STARD13: variants seen among roughly 807,000 people sequenced by gnomAD.
STARD13 encodes the protein StAR related lipid transfer domain containing 13.
A neutral mutation model predicts 106.4 loss-of-function variants in STARD13; 62 were observed. The ratio of observed to expected loss-of-function variants is 0.58; its 90% CI spans 0.48 to 0.72. The LOEUF is 0.72. Ranked by LOEUF, STARD13 falls within the 30% of genes least tolerant of loss-of-function variation. STARD13 has a pLI of 0.00. For missense variants in STARD13, 1,387 were observed against 1,424.0 expected, an observed-to-expected ratio of 0.97 and a Z score of 0.42; for synonymous variants, 565 against 553.0, an observed-to-expected ratio of 1.02 and a Z score of -0.31.
the STARD13 span, among the ~76,000 whole-genome samples, chr13:33,453,392 T>G: frequency 6.6e-6 from 1 of 152,226 alleles, no homozygotes; most frequent in African/African-American, 2.4e-5. Context: ...TATTCCTTTC[T>G]CTGGCACCAG....
At chr13:33,494,527 C>A in the STARD13 span, among the ~76,000 whole-genome samples, 2 of 152,074 alleles carry the variant, frequency 1.3e-5, no homozygotes, top group Non-Finnish European at 2.9e-5. Context: ...TTAAGGCTCT[C>A]CTGCTCTACC....
chr13:33,520,810 C>G, the STARD13 span, among the ~76,000 whole-genome samples: 4 of 152,152 alleles, frequency 2.6e-5, no homozygotes, highest in African/African-American at 9.7e-5. Flanking sequence ...CCCATGCCCC[C>G]ACCACCTGGG....
At chr13:33,476,766 T>C in the STARD13 span, among the ~76,000 whole-genome samples, 31 of 152,362 alleles carry the variant, frequency 2.0e-4, 1 homozygote, top group South Asian at 6.2e-3. Flanking sequence ...TTAGCTATTT[T>C]GATCAAGTAT....
intron 1 of STARD13, among the ~76,000 whole-genome samples, chr13:33,225,407 C>A (rs1380284254): frequency 6.6e-6 from 1 of 152,178 alleles, no homozygotes; most frequent in Non-Finnish European, 1.5e-5. Flanking sequence ...TCCCCCTGTT[C>A]CTTCTAACTT....
chr13:33,335,519 T>G (rs984070032), intron 1 of STARD13, among the ~76,000 whole-genome samples: 1 of 152,214 alleles, frequency 6.6e-6, no homozygotes, highest in Admixed American at 6.5e-5. Context: ...GTCATGCTGC[T>G]CTCTCAAACC....
At chr13:33,382,175 C>G in the STARD13 span, among the ~76,000 whole-genome samples, 4 of 152,234 alleles carry the variant, frequency 2.6e-5, no homozygotes, top group Non-Finnish European at 4.4e-5. Context: ...GTTCTGTGTT[C>G]TGTTGGGTAA....
At chr13:33,630,891 T>A in the STARD13 span, among the ~76,000 whole-genome samples, 4,001 of 152,292 alleles carry the variant, frequency 0.026, 152 homozygotes, top group African/African-American at 0.09. Flanking sequence ...TTTCCCATCC[T>A]TGTCTTACTG....
At chr13:33,390,079 A>G in the STARD13 span, among the ~76,000 whole-genome samples, 1 of 152,134 alleles carries the variant, frequency 6.6e-6, no homozygotes, top group Non-Finnish European at 1.5e-5. Context: ...TGCCTGTGGA[A>G]TCTAGATTAG....
At chr13:33,429,757 C>T in the STARD13 span, among the ~76,000 whole-genome samples, 698 of 152,000 alleles carry the variant, frequency 4.6e-3, 4 homozygotes, top group African/African-American at 0.016. Context: ...GGATGGTTAC[C>T]GGAGGCTGGC....
At chr13:33,307,685 C>T (rs530405880) in intron 1 of STARD13, among the ~76,000 whole-genome samples, 1 of 152,192 alleles carries the variant, frequency 6.6e-6, no homozygotes, top group South Asian at 2.1e-4. Context: ...GGGAGAACAT[C>T]AGGATAAATA....
chr13:33,379,001 C>G, the STARD13 span, among the ~76,000 whole-genome samples: 1 of 151,420 alleles, frequency 6.6e-6, no homozygotes, highest in Non-Finnish European at 1.5e-5. Flanking sequence ...TCCCAGCTAC[C>G]AGGGAGGCTG....
chr13:33,647,248 T>C, the STARD13 span, among the ~76,000 whole-genome samples: 3 of 152,244 alleles, frequency 2.0e-5, no homozygotes, highest in African/African-American at 7.2e-5. Context: ...ATTCAAAATA[T>C]GTTTTTCTTT....
intron 1 of STARD13, among the ~76,000 whole-genome samples, chr13:33,266,169 G>T (rs958272844): frequency 6.6e-6 from 1 of 152,134 alleles, no homozygotes; most frequent in African/African-American, 2.4e-5. Context: ...TCCTGGCTCC[G>T]CTAGTTATTT....
chr13:33,282,637 T>G (rs549168087), intron 1 of STARD13, among the ~76,000 whole-genome samples: 1 of 152,306 alleles, frequency 6.6e-6, no homozygotes, highest in Non-Finnish European at 1.5e-5. Flanking sequence ...GCAAACAATT[T>G]TAGTGATGTG....
the STARD13 span, among the ~76,000 whole-genome samples, chr13:33,591,669 T>C: frequency 6.6e-6 from 1 of 152,244 alleles, no homozygotes. Flanking sequence ...AAAGGGATTC[T>C]GCTCATTTTT....
chr13:33,593,735 A>G, the STARD13 span, among the ~76,000 whole-genome samples: 1 of 151,946 alleles, frequency 6.6e-6, no homozygotes. Context: ...AAATTGCTGC[A>G]TCCCTACACA....
At chr13:33,649,608 G>T in the STARD13 span, among the ~76,000 whole-genome samples, 1 of 152,036 alleles carries the variant, frequency 6.6e-6, no homozygotes, top group South Asian at 2.1e-4. Context: ...TCACATGATA[G>T]GTTCAAAATA....
the STARD13 span, among the ~76,000 whole-genome samples, chr13:33,403,861 A>C: frequency 6.6e-6 from 1 of 152,182 alleles, no homozygotes; most frequent in Non-Finnish European, 1.5e-5. Context: ...TTCACTTGCT[A>C]TAAGGGTTAA....
chr13:33,417,898 T>A, the STARD13 span, among the ~76,000 whole-genome samples: 1 of 152,234 alleles, frequency 6.6e-6, no homozygotes, highest in African/African-American at 2.4e-5. Flanking sequence ...TATTGACTTA[T>A]ACATTTTAAA....
Sources: gnomAD v4.1 joint callset for allele counts (sites outside exome capture counted in the v4.1 genomes callset) on GRCh38, gnomAD v4.1.1 for gene constraint, MANE v1.5 for transcripts, NCBI Gene and HGNC (gene_info 2026-07-23, HGNC 2026-07-21) for gene names.